The following UNC13B variants were observed in gnomAD, a reference collection of about 807,000 sequenced individuals.
UNC13B encodes protein unc-13 homolog B.
In UNC13B, 144 loss-of-function variants were observed where a neutral mutation model predicts 211.0. That is an observed-to-expected ratio of 0.68 (90% CI 0.60 to 0.78). The LOEUF is 0.78. Among genes scored for constraint, UNC13B ranks in the 30% least tolerant of loss-of-function variants. The pLI is 0.00. For synonymous variants in UNC13B, 709 were observed against 725.8 expected (o/e 0.98, Z 0.37); for missense variants, 1,777 against 2,002.0 (o/e 0.89, Z 2.14).
At chr9:35,355,588 A>G (rs1157978689) in intron 11 of UNC13B, among the ~76,000 whole-genome samples, 1 of 152,228 alleles carries the variant, frequency 6.6e-6, no homozygotes, top group Non-Finnish European at 1.5e-5. Context: ...GCTGTCATAC[A>G]AATTTGCCTT....
At chr9:35,248,094 T>C (rs1230188258) in intron 6 of UNC13B, among the ~76,000 whole-genome samples, 1 of 152,236 alleles carries the variant, frequency 6.6e-6, no homozygotes, top group African/African-American at 2.4e-5. Context: ...ATGGTGTATG[T>C]GTCGAGGAAT....
At chr9:35,334,172 G>A (rs540429446) in intron 11 of UNC13B, among the ~76,000 whole-genome samples, 46 of 152,210 alleles carry the variant, frequency 3.0e-4, no homozygotes, top group African/African-American at 1.0e-3. Context: ...TACCATGTTG[G>A]CCAGGCTGGT....
At chr9:35,345,486 G>A (rs1023562794) in intron 11 of UNC13B, among the ~76,000 whole-genome samples, 4 of 152,122 alleles carry the variant, frequency 2.6e-5, no homozygotes, top group African/African-American at 9.7e-5. Context: ...ACCAAGCATA[G>A]ACAGATACTA....
At chr9:35,286,312 A>G (rs1828791468) in intron 7 of UNC13B, among the ~76,000 whole-genome samples, 1 of 147,498 alleles carries the variant, frequency 6.8e-6, no homozygotes, top group South Asian at 2.1e-4. Flanking sequence ...GGCTCACTGC[A>G]ACCTCCACCT....
chr9:35,214,709 A>G (rs562692864), intron 1 of UNC13B, among the ~76,000 whole-genome samples: 1 of 152,226 alleles, frequency 6.6e-6, no homozygotes, highest in South Asian at 2.1e-4. Context: ...TTTAATGAGA[A>G]ATGGCTGGAC....
chr9:35,240,600 G>A (rs1825753307), intron 5 of UNC13B, among the ~76,000 whole-genome samples: 1 of 151,808 alleles, frequency 6.6e-6, no homozygotes, highest in Non-Finnish European at 1.5e-5. Flanking sequence ...TTGAATAAAT[G>A]TTTTTTCTTT....
chr9:35,377,107 A>G (rs1196870161), intron 15 of UNC13B, among the ~76,000 whole-genome samples: 2 of 152,242 alleles, frequency 1.3e-5, no homozygotes, highest in Admixed American at 6.5e-5. Context: ...GCTATGACAT[A>G]TAAAAGGGGA....
chr9:35,208,169 G>A (rs545931851), intron 1 of UNC13B, among the ~76,000 whole-genome samples: 1 of 152,314 alleles, frequency 6.6e-6, no homozygotes, highest in South Asian at 2.1e-4. Flanking sequence ...ACCTCTGCAA[G>A]TCTACCTGCC....
chr9:35,286,637 A>T (rs189067080), intron 7 of UNC13B, among the ~76,000 whole-genome samples: 4 of 152,154 alleles, frequency 2.6e-5, no homozygotes, highest in African/African-American at 9.6e-5. Flanking sequence ...AAGCAGTAGG[A>T]TGACTCCAGA....
At chr9:35,294,197 C>G (rs1476784593) in intron 7 of UNC13B, among the ~76,000 whole-genome samples, 1 of 152,128 alleles carries the variant, frequency 6.6e-6, no homozygotes, top group Admixed American at 6.5e-5. Context: ...TTCATTAACT[C>G]TTTTCTGTTT....
rs1042601072 is a variant in UNC13B, at chr9:35,398,936, G to C, written c.11976G>C (p.Gln3992His). 1.2e-6 allele frequency: 2 copies of C among 1,614,212 alleles called. No homozygotes were observed. The highest frequency in any genetic ancestry group is 3.3e-5 in the Admixed American group (2 of 60,034). ...CVRQMADILG[Q>H]VRGTGNASPD... ...GACAAATGGCCGACATCCTGGGCCA[G>C]GTTCGGGGCACAGGGAATGCATCTC... The change falls in exon 33 of 40, where the codon CAG (glutamine) becomes CAC (histidine). Residue 3992 changes from glutamine to histidine, a missense_variant. Transcript: ENST00000635942.
At chr9:35,239,723 C>T (rs1587442143) in intron 5 of UNC13B, among the ~76,000 whole-genome samples, 1 of 152,150 alleles carries the variant, frequency 6.6e-6, no homozygotes, top group Non-Finnish European at 1.5e-5. Flanking sequence ...TCAGAGGCCT[C>T]CCCTTAGGGA....
In UNC13B at chr9:35,377,640, G is replaced by A; in HGVS notation, c.10008G>A (p.Val3336=). 6.2e-7 allele frequency: 1 copy of A among 1,614,196 alleles called. No homozygotes were observed. Among genetic ancestry groups the A allele is most frequent in the Non-Finnish European group, 8.5e-7 (1 of 1,180,044 alleles). The change falls in exon 16 of 40, where the codon GTG becomes GTA. Residue 3336 remains valine (V), a synonymous_variant. Transcript: ENST00000635942. The stretch of plus-strand genomic sequence containing the variant: ...CCCATGTGCAGCAGATGAAAACAGT[G>A]AAGCAGAGTGTACTGGATGGCACCT... ...KAAHVQQMKT[V]KQSVLDGTSK...
At position 35,227,999 on chromosome 9, in the gene UNC13B, CT is replaced by C; in HGVS notation, c.23-10del. The C allele has an allele frequency of 6.2e-7, 1 of 1,611,068 alleles. No individual in the cohort carries two copies. Among genetic ancestry groups the C allele is most frequent in the East Asian group, 2.2e-5 (1 of 44,712 alleles). On this transcript the variant is annotated splice_polypyrimidine_tract_variant and intron_variant, in intron 1 of 39. Transcript: ENST00000635942. ...TTGGAAACATTCTTCATGGTATCCT[CT>C]TTTTTCTCTTGCAGTTAAAAGGGCC...
At chr9:35,321,666 A>T (rs941754648) in intron 11 of UNC13B, among the ~76,000 whole-genome samples, 11 of 152,144 alleles carry the variant, frequency 7.2e-5, no homozygotes, top group African/African-American at 2.2e-4. Context: ...TTTTATTTTT[A>T]ATTTTATTTT....
At chr9:35,198,627 G>A (rs868179542) in intron 1 of UNC13B, among the ~76,000 whole-genome samples, 21 of 152,300 alleles carry the variant, frequency 1.4e-4, no homozygotes, top group African/African-American at 3.8e-4. Flanking sequence ...GGTTGGACGA[G>A]TGTGGAGGGC....
Position 35,307,746 on chromosome 9 carries a change from C to G in UNC13B, c.8342C>G (p.Thr2781Ser), listed in dbSNP as rs1829996643. The G allele has an allele frequency of 1.3e-5, 5 of 399,104 alleles. No homozygotes were observed. Among genetic ancestry groups the G allele is most frequent in the Non-Finnish European group, 2.2e-5 (5 of 226,102 alleles). The allele number at this position is 399,104 out of a possible 1,614,324, so 24.7% of individuals were successfully genotyped here. Residue 2781 changes from threonine to serine, a missense_variant, in exon 9 of 40, where the codon ACT becomes AGT. Coordinates refer to ENST00000635942, the MANE Select transcript of UNC13B (RefSeq NM_001371189.2). ...WPKLRLPSSA[T>S]NHGKPLSSFF... ...AAGCTTCGTTTGCCATCCTCTGCTA[C>G]TAACCATGGGAAACCACTGAGCTCT...
chr9:35,251,903 C>G (rs1301565030), intron 6 of UNC13B, among the ~76,000 whole-genome samples: 1 of 152,118 alleles, frequency 6.6e-6, no homozygotes, highest in Non-Finnish European at 1.5e-5. Flanking sequence ...TTTGCCCAGG[C>G]TGGTCGCAAA....
intron 11 of UNC13B, chr9:35,361,893 T>C (rs1006849213): frequency 6.6e-6 from 1 of 152,118 alleles, no homozygotes. Context: ...GTGAAAAGTC[T>C]CAGATGTGAT....
Sources: gnomAD v4.1 joint callset for allele counts (sites outside exome capture counted in the v4.1 genomes callset) on GRCh38, gnomAD v4.1.1 for gene constraint, MANE v1.5 for transcripts, NCBI Gene and HGNC (gene_info 2026-07-23, HGNC 2026-07-21) for gene names.